The following INSC variants were observed in gnomAD, a reference collection of about 807,000 sequenced individuals.
INSC encodes the protein INSC spindle orientation adaptor protein, also known as protein inscuteable homolog.
In INSC, 67 loss-of-function variants were observed where a neutral mutation model predicts 58.6. The observed-to-expected ratio is 1.14, with a 90% CI of 0.94 to 1.40. The LOEUF (loss-of-function observed/expected upper bound fraction) is 1.40, where lower values mean the gene tolerates loss of function less well. Among genes scored for constraint, INSC ranks in the 40% most tolerant of loss-of-function variants. INSC has a pLI of 0.00. For missense variants in INSC, 714 were observed against 692.0 expected, an observed-to-expected ratio of 1.03 and a Z score of -0.36; for synonymous variants, 262 against 276.1, an observed-to-expected ratio of 0.95 and a Z score of 0.51.
At chr11:15,120,712 T>C (rs1323456388) in intron 1 of INSC, among the ~76,000 whole-genome samples, 2 of 152,180 alleles carry the variant, frequency 1.3e-5, no homozygotes, top group African/African-American at 4.8e-5. Flanking sequence ...ATGTTTAGAC[T>C]TTTTGTCATA....
At chr11:15,212,194 C>A (rs752907660) in intron 7 of INSC, among the ~76,000 whole-genome samples, 1 of 152,122 alleles carries the variant, frequency 6.6e-6, no homozygotes, top group African/African-American at 2.4e-5. Context: ...CTCCGCCTCC[C>A]GGGTTCAAGC....
intron 1 of INSC, among the ~76,000 whole-genome samples, chr11:15,146,009 C>G (rs1848482809): frequency 6.6e-6 from 1 of 152,240 alleles, no homozygotes; most frequent in Non-Finnish European, 1.5e-5. Context: ...CTGCCACCTA[C>G]TAACCAGTGC....
the INSC span, among the ~76,000 whole-genome samples, chr11:15,252,755 G>A: frequency 6.6e-6 from 1 of 152,188 alleles, no homozygotes; most frequent in Non-Finnish European, 1.5e-5. Context: ...TGCTTGAAGA[G>A]TGGATGAATT....
At chr11:15,258,390 A>G in the INSC span, among the ~76,000 whole-genome samples, 2 of 152,190 alleles carry the variant, frequency 1.3e-5, no homozygotes, top group Non-Finnish European at 2.9e-5. Context: ...ATTTATTTTT[A>G]GAAACAGCCA....
the INSC span, among the ~76,000 whole-genome samples, chr11:15,266,955 T>A: frequency 1.3e-5 from 2 of 151,962 alleles, no homozygotes; most frequent in African/African-American, 4.8e-5. Flanking sequence ...AAATAGAAGC[T>A]ATTATTGCAT....
At chr11:15,199,212 G>A (rs988629077) in intron 6 of INSC, among the ~76,000 whole-genome samples, 4 of 152,178 alleles carry the variant, frequency 2.6e-5, no homozygotes, top group East Asian at 3.9e-4. Context: ...TTGAATGCAC[G>A]AATGAATGTA....
At chr11:15,189,505 C>T (rs1050509591) in intron 5 of INSC, among the ~76,000 whole-genome samples, 2 of 152,116 alleles carry the variant, frequency 1.3e-5, no homozygotes, top group African/African-American at 4.8e-5. Flanking sequence ...ATAGCTGGAA[C>T]TCATAGGCAC....
At chr11:15,159,445 A>G (rs1848937803) in intron 2 of INSC, among the ~76,000 whole-genome samples, 1 of 152,256 alleles carries the variant, frequency 6.6e-6, no homozygotes, top group Admixed American at 6.5e-5. Context: ...GGAGAAGAAC[A>G]GAATAGAAAA....
intron 9 of INSC, among the ~76,000 whole-genome samples, chr11:15,232,884 TAG>T (rs1851977982): frequency 6.6e-6 from 1 of 152,212 alleles, no homozygotes; most frequent in Admixed American, 6.5e-5. Context: ...GATTTTCCCC[TAG>T]AGCCCCCAGA....
intron 1 of INSC, among the ~76,000 whole-genome samples, chr11:15,143,164 G>A (rs371373704): frequency 2.6e-5 from 4 of 152,264 alleles, no homozygotes; most frequent in Admixed American, 1.3e-4. Context: ...CCCCACCTTC[G>A]GGGGAGAAAG....
the INSC span, among the ~76,000 whole-genome samples, chr11:15,268,487 G>T: frequency 6.6e-6 from 1 of 151,996 alleles, no homozygotes; most frequent in Non-Finnish European, 1.5e-5. Flanking sequence ...CTGTTTTCAT[G>T]CTGGAAACAA....
chr11:15,218,176 A>T (rs1003637768), intron 7 of INSC, among the ~76,000 whole-genome samples: 10 of 152,242 alleles, frequency 6.6e-5, no homozygotes, highest in Non-Finnish European at 1.5e-4. Flanking sequence ...AAATTGATTT[A>T]TATAATGAAA....
intron 2 of INSC, among the ~76,000 whole-genome samples, chr11:15,169,891 C>A (rs908136218): frequency 3.3e-5 from 5 of 152,148 alleles, no homozygotes; most frequent in Admixed American, 1.3e-4. Flanking sequence ...AACTAAGGGA[C>A]CAGCATTGGT....
At chr11:15,190,860 T>C (rs928524419) in intron 6 of INSC, 46 bp downstream of exon 6, 1 of 1,313,272 alleles carries the variant, frequency 7.6e-7, no homozygotes, top group Non-Finnish European at 1.1e-6. Context: ...TGGGGAAGTA[T>C]GAGGAAGCTC....
intron 6 of INSC, among the ~76,000 whole-genome samples, chr11:15,198,859 T>C (rs1850471073): frequency 1.3e-5 from 2 of 151,934 alleles, no homozygotes; most frequent in South Asian, 2.1e-4. Flanking sequence ...TATGGGAAAG[T>C]AGGAAGGCAG....
At chr11:15,152,510 A>T (rs1193894261) in intron 2 of INSC, among the ~76,000 whole-genome samples, 1 of 152,174 alleles carries the variant, frequency 6.6e-6, no homozygotes, top group African/African-American at 2.4e-5. Flanking sequence ...TTTAACTAGG[A>T]TCTTTCCCCT....
intron 5 of INSC, chr11:15,188,131 G>A: frequency 1.0e-6 from 1 of 959,596 alleles, no homozygotes; most frequent in Non-Finnish European, 1.2e-6. Flanking sequence ...TAGCTTAGGG[G>A]AAGTGTGGCC....
downstream of INSC, among the ~76,000 whole-genome samples, chr11:15,250,259 C>A (rs2133994426): frequency 6.6e-6 from 1 of 152,292 alleles, no homozygotes; most frequent in South Asian, 2.1e-4. Context: ...TGACTTTGGA[C>A]AGGGCTTTGT....
chr11:15,156,980 T>C (rs1165965227), intron 2 of INSC, among the ~76,000 whole-genome samples: 7 of 152,200 alleles, frequency 4.6e-5, no homozygotes, highest in African/African-American at 1.7e-4. Flanking sequence ...GTGGAGATGA[T>C]TGTAGTTGCA....
Sources: gnomAD v4.1 joint callset for allele counts (sites outside exome capture counted in the v4.1 genomes callset) on GRCh38, gnomAD v4.1.1 for gene constraint, MANE v1.5 for transcripts, NCBI Gene and HGNC (gene_info 2026-07-23, HGNC 2026-07-21) for gene names.